PTPRD: variants seen among roughly 807,000 people sequenced by gnomAD.
The protein encoded by PTPRD is protein tyrosine phosphatase receptor type D.
Under a neutral mutation model 214.5 loss-of-function variants are expected in PTPRD, and 34 were observed. The ratio of observed to expected loss-of-function variants is 0.16; its 90% CI spans 0.12 to 0.21. PTPRD has a LOEUF of 0.21. Among genes scored for constraint, PTPRD ranks in the 10% least tolerant of loss-of-function variants. The pLI is 1.00. For missense variants in PTPRD, 2,545 were observed against 2,398.7 expected (o/e 1.06, Z -1.27); for synonymous variants, 1,128 against 845.7 (o/e 1.33, Z -5.79).
chr9:10,373,952 A>T (rs2097679780), intron 2 of PTPRD, among the ~76,000 whole-genome samples: 2 of 152,066 alleles, frequency 1.3e-5, no homozygotes, highest in Non-Finnish European at 2.9e-5. Flanking sequence ...CACATCAATC[A>T]CAGGCATATC....
chr9:10,539,936 T>A (rs907093334), intron 2 of PTPRD, among the ~76,000 whole-genome samples: 1 of 152,238 alleles, frequency 6.6e-6, no homozygotes, highest in Non-Finnish European at 1.5e-5. Flanking sequence ...TGTATGCCAA[T>A]TAATCAGCAA....
chr9:9,890,493 C>G (rs1238858062), intron 5 of PTPRD, among the ~76,000 whole-genome samples: 1 of 152,058 alleles, frequency 6.6e-6, no homozygotes, highest in Non-Finnish European at 1.5e-5. Context: ...GCCACATGAC[C>G]AGCCAGTAAT....
At chr9:9,235,429 G>T (rs1019142388) in intron 9 of PTPRD, among the ~76,000 whole-genome samples, 1 of 152,160 alleles carries the variant, frequency 6.6e-6, no homozygotes, top group Admixed American at 6.5e-5. Flanking sequence ...CTACATGGCT[G>T]TCCACTCTTC....
At chr9:9,851,932 T>C (rs933359064) in intron 5 of PTPRD, among the ~76,000 whole-genome samples, 3 of 152,206 alleles carry the variant, frequency 2.0e-5, no homozygotes, top group African/African-American at 7.2e-5. Flanking sequence ...CTATGAGCTA[T>C]TTATATTCAC....
At chr9:10,471,717 T>C (rs537792359) in intron 2 of PTPRD, among the ~76,000 whole-genome samples, 22 of 152,268 alleles carry the variant, frequency 1.4e-4, no homozygotes, top group South Asian at 4.1e-4. Context: ...TTATGATATA[T>C]AGATAAAGAA....
intron 3 of PTPRD, among the ~76,000 whole-genome samples, chr9:10,307,848 G>C (rs147546175): frequency 5.1e-3 from 771 of 151,588 alleles, no homozygotes; most frequent in African/African-American, 0.018. Flanking sequence ...ATTTAATTTT[G>C]TGCCATTTGT....
At chr9:9,299,297 T>C (rs920053649) in intron 9 of PTPRD, among the ~76,000 whole-genome samples, 10 of 151,712 alleles carry the variant, frequency 6.6e-5, no homozygotes, top group African/African-American at 2.4e-4. Context: ...CAAAGGGTGA[T>C]TTTGCCCCCC....
chr9:10,354,174 G>A (rs2097229641), intron 2 of PTPRD, among the ~76,000 whole-genome samples: 1 of 151,940 alleles, frequency 6.6e-6, no homozygotes, highest in Non-Finnish European at 1.5e-5. Context: ...CTAAACAATA[G>A]ATAACATTGT....
chr9:9,702,814 T>C lies in PTPRD; in HGVS notation c.-287+31719A>G, dbSNP rs114471329. Reference sequence around the variant, plus strand: ...ACTTAATGGCTAGCTTATGGTAAGATCTAAAACAAGAAAGTGAATGTGATC... The same window carrying C: ...ACTTAATGGCTAGCTTATGGTAAGACCTAAAACAAGAAAGTGAATGTGATC... On this transcript the variant is annotated intron_variant, in intron 7 of 45. Transcript: ENST00000381196. Among the ~76,000 whole-genome samples the C allele has an allele frequency of 4.0e-3, 615 of 152,190 alleles. 2 individuals carry two copies. Among genetic ancestry groups the C allele is most frequent in the African/African-American group, 0.014 (574 of 41,512 alleles).
At chr9:9,001,799 T>A (rs2099419853) in intron 11 of PTPRD, among the ~76,000 whole-genome samples, 1 of 152,014 alleles carries the variant, frequency 6.6e-6, no homozygotes, top group Non-Finnish European at 1.5e-5. Flanking sequence ...AACATCTACT[T>A]TTCCATGCAA....
At position 8,549,868 on chromosome 9, in the gene PTPRD, C is replaced by T. The variant is rs141125578; in HGVS notation, c.353-21089G>A. Reference sequence around the variant, plus strand: ...TAACTCTTGCTTCAAGCCATGCAATCAGACAAAAAGGGTACCATTTCAAGC... The same window carrying T: ...TAACTCTTGCTTCAAGCCATGCAATTAGACAAAAAGGGTACCATTTCAAGC... On this transcript the variant is annotated intron_variant, in intron 14 of 45. Transcript: ENST00000381196. Among the ~76,000 whole-genome samples the T allele has an allele frequency of 3.5e-4, 54 of 152,172 alleles. No homozygotes were observed. In the East Asian group the frequency reaches 5.2e-3, roughly 15 times the overall value.
chr9:8,559,545 T>G (rs1290683692), intron 14 of PTPRD, among the ~76,000 whole-genome samples: 1 of 152,176 alleles, frequency 6.6e-6, no homozygotes, highest in African/African-American at 2.4e-5. Context: ...TTTGTGGATG[T>G]TCCCATCATG....
At chr9:10,141,265 A>G (rs1325908905) in intron 3 of PTPRD, among the ~76,000 whole-genome samples, 2 of 152,138 alleles carry the variant, frequency 1.3e-5, no homozygotes. Context: ...ATTAGGCAGG[A>G]GAAGGAAATA....
intron 11 of PTPRD, among the ~76,000 whole-genome samples, chr9:8,835,931 C>T (rs537274587): frequency 6.6e-6 from 1 of 152,208 alleles, no homozygotes; most frequent in South Asian, 2.1e-4. Context: ...TGGAAGCTTC[C>T]TAAGGAAGTA....
intron 5 of PTPRD, among the ~76,000 whole-genome samples, chr9:9,854,833 T>C (rs978806183): frequency 1.3e-5 from 2 of 152,186 alleles, no homozygotes; most frequent in African/African-American, 4.8e-5. Flanking sequence ...TACCTTTTGC[T>C]ATAACTATGG....
At chr9:10,050,871 T>C (rs1318487309) in intron 3 of PTPRD, among the ~76,000 whole-genome samples, 1 of 152,104 alleles carries the variant, frequency 6.6e-6, no homozygotes, top group Non-Finnish European at 1.5e-5. Context: ...TCTATCTAAC[T>C]ATCTATTAGA....
At chr9:10,275,424 TGAGAGAGAGAAAAA>T (rs1486598533) in intron 3 of PTPRD, among the ~76,000 whole-genome samples, 1 of 151,924 alleles carries the variant, frequency 6.6e-6, no homozygotes, top group Admixed American at 6.6e-5. Context: ...TTGAGAGGGA[TGAGAGAGAGAAAAA>T]GAGAGAGAGA....
intron 3 of PTPRD, among the ~76,000 whole-genome samples, chr9:10,228,952 G>A (rs1485483251): frequency 1.3e-5 from 2 of 151,690 alleles, no homozygotes; most frequent in African/African-American, 2.4e-5. Context: ...ACTAAATAAG[G>A]CATTGCTTCT....
At chr9:10,280,359 AC>A (rs199537703) in intron 3 of PTPRD, among the ~76,000 whole-genome samples, 2,112 of 123,382 alleles carry the variant, frequency 0.017, 52 homozygotes, top group African/African-American at 0.092. Flanking sequence ...ATACATAAAC[AC>A]CACACACACA....
Sources: gnomAD v4.1 joint callset for allele counts (sites outside exome capture counted in the v4.1 genomes callset) on GRCh38, gnomAD v4.1.1 for gene constraint, MANE v1.5 for transcripts, NCBI Gene and HGNC (gene_info 2026-07-23, HGNC 2026-07-21) for gene names.